Variants in MAU2 observed in about 807,000 individuals in gnomAD.
MAU2 encodes MAU2 sister chromatid cohesion factor.
Under a neutral mutation model 89.1 loss-of-function variants are expected in MAU2, and 9 were observed. The observed-to-expected ratio is 0.10, with a 90% confidence interval of 0.06 to 0.18. The LOEUF is 0.18. MAU2 is among the 10% of genes least tolerant of loss of function. MAU2 has a pLI of 1.00. For missense variants in MAU2, 425 were observed against 803.5 expected (o/e 0.53, Z 5.69); for synonymous variants, 357 against 343.4 (o/e 1.04, Z -0.44).
intron 1 of MAU2, among the ~76,000 whole-genome samples, chr19:19,333,507 C>T (rs892841777): frequency 1.3e-5 from 2 of 152,144 alleles, no homozygotes; most frequent in East Asian, 3.9e-4. Context: ...AAAGCTGTTG[C>T]TATGAGGAGA....
Position 19,352,005 on chromosome 19 carries a change from C to T in MAU2, c.1549-2350C>T, listed in dbSNP as rs114121585. Among the ~76,000 whole-genome samples, 663 of 151,910 alleles carry T rather than the reference C, an allele frequency of 4.4e-3. 5 individuals are homozygous for T. The highest frequency in any genetic ancestry group is 0.016 in the African/African-American group (646 of 41,422). The stretch of plus-strand genomic sequence containing the variant: ...CTGGGATTACAGTCGAGCACCATCA[C>T]ACCTGGCTTATTTTTGTATTTTTAG... On this transcript the variant is annotated intron_variant, in intron 16 of 18. Coordinates refer to ENST00000262815, the MANE Select transcript of MAU2 (RefSeq NM_015329.4).
At chr19:19,355,431 G>A (rs776411658) in intron 18 of MAU2, 40 bp downstream of exon 18, 19 of 1,607,016 alleles carry the variant, frequency 1.2e-5, no homozygotes, top group Admixed American at 1.7e-5. Flanking sequence ...CAGGACTAGC[G>A]GGCTCCCCAC....
intron 3 of MAU2, 46 bp from the exon 4 acceptor site, chr19:19,337,124 G>GTT (rs34414052): frequency 0.17 from 174,585 of 1,053,036 alleles, 4 homozygotes; most frequent in East Asian, 0.27. Flanking sequence ...TTGCCGCCTT[G>GTT]TTTTTTTTTT....
chr19:19,333,227 G>A (rs911604744), intron 1 of MAU2, among the ~76,000 whole-genome samples: 1 of 152,188 alleles, frequency 6.6e-6, no homozygotes, highest in African/African-American at 2.4e-5. Flanking sequence ...TCCAACGCCT[G>A]TAATCCCAGC....
At chr19:19,334,198 C>T (rs2061578269) in intron 1 of MAU2, 1 of 985,302 alleles carries the variant, frequency 1.0e-6, no homozygotes. Flanking sequence ...AGCCTCACCT[C>T]TGGGGCCACA....
At position 19,354,241 on chromosome 19, in the gene MAU2, C is replaced by T. The variant is rs530400015; in HGVS notation, c.1549-114C>T. ...GTTCACCAGACGCAGAAGGAGGTCACAACCTGGGCTGGGTTCAGTAGGTGG... is the reference window on the plus strand; with the variant it reads ...GTTCACCAGACGCAGAAGGAGGTCATAACCTGGGCTGGGTTCAGTAGGTGG... On this transcript the variant is annotated intron_variant, in intron 16 of 18. Coordinates refer to ENST00000262815, the MANE Select transcript of MAU2 (RefSeq NM_015329.4). The T allele has an allele frequency of 1.1e-3, 794 of 753,452 alleles. 9 individuals carry two copies. The South Asian group carries it at 0.011, about 11-fold the overall frequency. The allele number at this position is 753,452 out of a possible 1,614,324, so 46.7% of individuals were successfully genotyped here. A position where few individuals can be genotyped will look rare whatever the true frequency, so the allele number is the denominator to read the frequency against.
At chr19:19,338,085 C>A (rs964032357) in intron 4 of MAU2, among the ~76,000 whole-genome samples, 3 of 152,236 alleles carry the variant, frequency 2.0e-5, no homozygotes, top group Middle Eastern at 3.2e-3. Flanking sequence ...AGTATGTGGA[C>A]CCTGGGTTGG....
At chr19:19,346,492 C>A (rs1392517614) in intron 12 of MAU2, among the ~76,000 whole-genome samples, 1 of 152,174 alleles carries the variant, frequency 6.6e-6, no homozygotes, top group Non-Finnish European at 1.5e-5. Flanking sequence ...TAACCCCAAA[C>A]ACACACGCCT....
At chr19:19,332,835 G>A (rs1335416195) in intron 1 of MAU2, among the ~76,000 whole-genome samples, 3 of 151,684 alleles carry the variant, frequency 2.0e-5, no homozygotes, top group South Asian at 2.1e-4. Context: ...CCAGCACTTC[G>A]GGAGGCTAAG....
At chr19:19,351,382 T>C (rs1160147815) in intron 16 of MAU2, among the ~76,000 whole-genome samples, 1 of 151,706 alleles carries the variant, frequency 6.6e-6, no homozygotes, top group East Asian at 1.9e-4. Flanking sequence ...AAAAAAGATA[T>C]TTTCCAGCCA....
At chr19:19,325,873 C>T (rs1229163566) in intron 1 of MAU2, among the ~76,000 whole-genome samples, 1 of 152,154 alleles carries the variant, frequency 6.6e-6, no homozygotes, top group Non-Finnish European at 1.5e-5. Flanking sequence ...ATCCAGCTTT[C>T]CTATTGTTTT....
At chr19:19,347,604 CACAA>C (rs1410141747) in intron 13 of MAU2, 4 of 482,372 alleles carry the variant, frequency 8.3e-6, no homozygotes, top group Non-Finnish European at 1.5e-5. Context: ...TTCTCTTTAT[CACAA>C]ACAAACCAAG....
chr19:19,346,279 C>T (rs569210186), intron 12 of MAU2, among the ~76,000 whole-genome samples: 1 of 152,258 alleles, frequency 6.6e-6, no homozygotes, highest in East Asian at 1.9e-4. Flanking sequence ...GCAGCAGGGC[C>T]AGGACCCTCC....
chr19:19,348,748 T>G (rs539337986), intron 13 of MAU2, 141 bp from the exon 14 acceptor site: 2 of 900,760 alleles, frequency 2.2e-6, no homozygotes, highest in East Asian at 5.0e-5. Flanking sequence ...GAGGCTGCTC[T>G]TGCTGGTCAG....
In MAU2 at chr19:19,321,078, C is replaced by G; in HGVS notation, c.219C>G (p.Ser73=). ...CCCGTACACACCTGCAGCTGGGCTC[C>G]GTTCTCTATCACCACACCAAGAACA... The part of the protein sequence containing the change: ...IEARTHLQLG[S]VLYHHTKNSE... The change falls in exon 1 of 19, where the codon TCC becomes TCG. Residue 73 remains serine (S), a synonymous_variant. Transcript: ENST00000262815. 3 of 1,611,772 alleles carry G rather than the reference C, an allele frequency of 1.9e-6. No individual in the cohort carries two copies. Among genetic ancestry groups the G allele is most frequent in the African/African-American group, 1.3e-5 (1 of 74,660 alleles).
intron 16 of MAU2, 57 bp downstream of exon 16, chr19:19,349,493 C>G (rs1466089008): frequency 6.8e-7 from 1 of 1,474,260 alleles, no homozygotes; most frequent in Non-Finnish European, 9.4e-7. Context: ...GGCTGAGGGA[C>G]AGGAGCCGGC....
In MAU2 at chr19:19,345,516, C is replaced by A; in HGVS notation, c.1221+147C>A. On this transcript the variant is annotated intron_variant, in intron 12 of 18. Coordinates refer to ENST00000262815, the MANE Select transcript of MAU2 (RefSeq NM_015329.4). The surrounding 1 kb of genome is among the most constrained non-coding windows in gnomAD (Gnocchi z 4.9). Reference sequence around the variant, plus strand: ...GGCAATGCACAGTAGTCAGCCCATGCCAGCCTTGGCAGTGACGCGCTGTTT... The same window carrying A: ...GGCAATGCACAGTAGTCAGCCCATGACAGCCTTGGCAGTGACGCGCTGTTT... The A allele has an allele frequency of 1.3e-6, 1 of 762,342 alleles. No individual in the cohort carries two copies. The highest frequency in any genetic ancestry group is 1.6e-5 in the South Asian group (1 of 63,022). 47.2% of individuals were successfully genotyped at this position (762,342 alleles called of 1,614,324 possible). A position where few individuals can be genotyped will look rare whatever the true frequency, so the allele number is the denominator to read the frequency against.
At chr19:19,336,037 T>C (rs1358067072) in intron 2 of MAU2, 85 bp from the exon 3 acceptor site, 12 of 980,770 alleles carry the variant, frequency 1.2e-5, no homozygotes, top group Non-Finnish European at 2.0e-5. Context: ...CCTGCAGACC[T>C]TGGCAGGGTA....
chr19:19,354,322 T>C, intron 16 of MAU2, 33 bp from the exon 17 acceptor site: 1 of 1,569,352 alleles, frequency 6.4e-7, no homozygotes, highest in Non-Finnish European at 8.8e-7. Context: ...GGGTCCAGGC[T>C]CCTCACTCCC....
Sources: allele counts gnomAD v4.1 joint callset (sites outside exome capture counted in the v4.1 genomes callset), GRCh38; gene constraint gnomAD v4.1.1; non-coding constraint Gnocchi (gnomAD v3.1); transcripts MANE v1.5; gene names NCBI Gene and HGNC (gene_info 2026-07-23, HGNC 2026-07-21).